SPTAN1: variants seen among roughly 807,000 people sequenced by gnomAD.
The protein encoded by SPTAN1 is spectrin alpha, non-erythrocytic 1, also known as spectrin alpha chain, non-erythrocytic 1.
A neutral mutation model predicts 331.3 loss-of-function variants in SPTAN1; 61 were observed. The observed-to-expected ratio is 0.18, with a 90% CI of 0.15 to 0.23. The LOEUF (loss-of-function observed/expected upper bound fraction) is 0.23, where lower values mean the gene tolerates loss of function less well. Ranked by LOEUF, SPTAN1 falls within the 10% of genes least tolerant of loss-of-function variation. The probability of loss-of-function intolerance (pLI) is 1.00; values close to 1 mark genes in which losing one functional copy is unlikely to be tolerated. For synonymous variants in SPTAN1, 1,153 were observed against 1,173.9 expected (o/e 0.98, Z 0.36); for missense variants, 2,043 against 3,147.9 (o/e 0.65, Z 8.40).
In SPTAN1 at chr9:128,593,013, A is replaced by T. The variant is rs372807389; in HGVS notation, c.3186A>T (p.Val1062=). ...GCATAACTAAGGAGGCCGGCAGTGT[A>T]TCTCTGCGTATGAAGCAGGTGGAAG... The part of the protein sequence containing the change: ...QTRITKEAGS[V]SLRMKQVEEL... Residue 1062 remains valine (V), a synonymous_variant, in exon 23 of 57, where the codon GTA becomes GTT. Transcript: ENST00000372739. 7.1e-5 allele frequency: 114 copies of T among 1,610,362 alleles called. No individual in the cohort carries two copies. The highest frequency in any genetic ancestry group is 9.1e-5 in the Non-Finnish European group (107 of 1,178,282).
chr9:128,609,627 T>C (rs1041460243), intron 36 of SPTAN1, 24 bp from the exon 37 acceptor site: 5 of 1,522,674 alleles, frequency 3.3e-6, no homozygotes, highest in Non-Finnish European at 4.4e-6. Context: ...ACTGAACTCT[T>C]GTTCTTTTAA....
At chr9:128,619,036 C>T in intron 44 of SPTAN1, 33 bp downstream of exon 44, 1 of 1,612,700 alleles carries the variant, frequency 6.2e-7, no homozygotes, top group Non-Finnish European at 8.5e-7. Context: ...CACCTGCTTT[C>T]TCTCTTGGCA....
rs1436043063 is a variant in SPTAN1, at chr9:128,632,699, G to A, written c.7141G>A (p.Asp2381Asn). ...EPDPEFEAILDTVDPNRDGHV... is the reference protein window; with the variant it reads ...EPDPEFEAILNTVDPNRDGHV... ...TGACCCTGAGTTCGAGGCAATCCTGGACACGGTGGATCCGAACAGGTAAAT... is the reference window on the plus strand; with the variant it reads ...TGACCCTGAGTTCGAGGCAATCCTGAACACGGTGGATCCGAACAGGTAAAT... The change falls in exon 55 of 57, where the codon GAC becomes AAC. Residue 2381 changes from aspartate (D) to asparagine (N), a missense_variant. Physicochemically the swap from Asp to Asn is conservative, Grantham distance 23. Coordinates refer to ENST00000372739, the MANE Select transcript of SPTAN1 (RefSeq NM_001130438.3). 7 of 1,614,058 alleles carry A rather than the reference G, an allele frequency of 4.3e-6. No individual in the cohort carries two copies. Among genetic ancestry groups the A allele is most frequent in the Non-Finnish European group, 5.9e-6 (7 of 1,180,046 alleles).
intron 46 of SPTAN1, 109 bp downstream of exon 46, chr9:128,624,596 G>A: frequency 1.4e-6 from 2 of 1,398,110 alleles, no homozygotes; most frequent in East Asian, 2.5e-5. Flanking sequence ...TTGTGGGCAT[G>A]GCAGAGAACC....
At chr9:128,587,809 G>T in intron 20 of SPTAN1, 111 bp downstream of exon 20, 1 of 796,408 alleles carries the variant, frequency 1.3e-6, no homozygotes. Context: ...TAACTCTTGT[G>T]ACACAAAGAT....
chr9:128,562,760 C>G (rs923877505), intron 1 of SPTAN1, among the ~76,000 whole-genome samples: 1 of 151,674 alleles, frequency 6.6e-6, no homozygotes, highest in Admixed American at 6.6e-5. Context: ...GTCAGGAGAT[C>G]GAGACCATCC....
At chr9:128,600,278 T>C (rs539932966) in intron 27 of SPTAN1, among the ~76,000 whole-genome samples, 163 bp downstream of exon 27, 1 of 152,334 alleles carries the variant, frequency 6.6e-6, no homozygotes, top group Admixed American at 6.5e-5. Context: ...TAAAATGTGA[T>C]GCTTAATATA....
chr9:128,633,188 G>A (rs1265032517), intron 56 of SPTAN1, 21 bp from the exon 57 acceptor site: 2 of 1,613,672 alleles, frequency 1.2e-6, no homozygotes, highest in Non-Finnish European at 8.5e-7. Flanking sequence ...CAGGCACCAG[G>A]TGCCATCTCT....
At chr9:128,563,530 G>A in intron 1 of SPTAN1, among the ~76,000 whole-genome samples, 1 of 152,162 alleles carries the variant, frequency 6.6e-6, no homozygotes, top group South Asian at 2.1e-4. Context: ...GCTTTAGTCA[G>A]CACATTCTTT....
intron 27 of SPTAN1, chr9:128,601,513 G>A (rs1855150216): frequency 6.6e-6 from 1 of 152,086 alleles, no homozygotes; most frequent in Admixed American, 6.6e-5. Context: ...GATGAGCCCA[G>A]GAACTGGAGA....
chr9:128,562,708 A>ATGT (rs1564187302), intron 1 of SPTAN1, among the ~76,000 whole-genome samples: 1 of 151,794 alleles, frequency 6.6e-6, no homozygotes, highest in Non-Finnish European at 1.5e-5. Context: ...TTATCATTAA[A>ATGT]TATTACAAAA....
At chr9:128,567,362 G>A (rs1850154585) in intron 2 of SPTAN1, among the ~76,000 whole-genome samples, 1 of 152,176 alleles carries the variant, frequency 6.6e-6, no homozygotes, top group Non-Finnish European at 1.5e-5. Flanking sequence ...TGTGATCTTG[G>A]CTTACTGCAA....
Position 128,631,777 on chromosome 9 carries a change from G to A in SPTAN1, c.6763-350G>A, listed in dbSNP as rs78527469. The A allele has an allele frequency of 3.3e-3, 946 of 285,816 alleles. 12 individuals are homozygous for A. Among genetic ancestry groups the A allele is most frequent in the African/African-American group, 0.02 (890 of 45,400 alleles). 17.7% of individuals were successfully genotyped at this position (285,816 alleles called of 1,614,324 possible). ...GGGAGGTTGCAGTGAGCGTGATTGC[G>A]CCACTGCACTCTAGCCTAGGCGACA... On this transcript the variant is annotated intron_variant, in intron 52 of 56. Transcript: ENST00000372739.
chr9:128,621,297 G>A (rs1420697216), intron 45 of SPTAN1, 41 bp downstream of exon 45: 21 of 1,565,068 alleles, frequency 1.3e-5, no homozygotes, highest in Non-Finnish European at 1.7e-5. Flanking sequence ...CGCCCACTGG[G>A]ACACCCACGT....
At chr9:128,584,110 CT>C in intron 16 of SPTAN1, 141 bp downstream of exon 16, 6 of 1,430,796 alleles carry the variant, frequency 4.2e-6, no homozygotes, top group Non-Finnish European at 5.8e-6. Flanking sequence ...GCTGCATGTG[CT>C]TCTGCTCAAA....
At chr9:128,557,560 A>T (rs1200113719) in intron 1 of SPTAN1, among the ~76,000 whole-genome samples, 2 of 150,940 alleles carry the variant, frequency 1.3e-5, no homozygotes, top group African/African-American at 4.9e-5. Flanking sequence ...TTTTATTTTT[A>T]TACTCCCAAA....
At chr9:128,597,789 T>A (rs1470223150) in intron 24 of SPTAN1, among the ~76,000 whole-genome samples, 1 of 152,152 alleles carries the variant, frequency 6.6e-6, no homozygotes, top group Non-Finnish European at 1.5e-5. Flanking sequence ...CAGCTGGGAT[T>A]ACAGGCGCCT....
chr9:128,623,397 GT>G (rs1196716079), intron 45 of SPTAN1, among the ~76,000 whole-genome samples: 1 of 151,614 alleles, frequency 6.6e-6, no homozygotes, highest in Non-Finnish European at 1.5e-5. Context: ...ATATGATTCA[GT>G]TTTTTTCTAT....
At chr9:128,555,498 AGGGGG>A in intron 1 of SPTAN1, 1 of 1,009,674 alleles carries the variant, frequency 9.9e-7, no homozygotes, top group Non-Finnish European at 1.3e-6. Context: ...ATCCAAAGAA[AGGGGG>A]AAAAAAACCC....
Sources: gnomAD v4.1 joint callset for allele counts (sites outside exome capture counted in the v4.1 genomes callset) on GRCh38, gnomAD v4.1.1 for gene constraint, MANE v1.5 for transcripts, NCBI Gene and HGNC (gene_info 2026-07-23, HGNC 2026-07-21) for gene names.